HDAC4: variants seen among roughly 807,000 people sequenced by gnomAD.
HDAC4 encodes histone deacetylase 4, also known as histone deacetylase A.
In HDAC4, 16 loss-of-function variants were observed where a neutral mutation model predicts 135.1. The observed-to-expected ratio is 0.12, with a 90% CI of 0.08 to 0.18. HDAC4 has a LOEUF of 0.18. Among genes scored for constraint, HDAC4 ranks in the 10% least tolerant of loss-of-function variants. The pLI is 1.00. For missense variants in HDAC4, 1,143 were observed against 1,511.8 expected (o/e 0.76, Z 4.05); for synonymous variants, 685 against 653.4 (o/e 1.05, Z -0.74).
chr2:239,270,334 T>C (rs971091353), intron 2 of HDAC4, among the ~76,000 whole-genome samples: 2 of 152,102 alleles, frequency 1.3e-5, no homozygotes, highest in African/African-American at 2.4e-5. Context: ...GTGGCCTCAA[T>C]GGGATGCTCA....
At chr2:239,057,486 A>C (rs1057058143) in intron 24 of HDAC4, among the ~76,000 whole-genome samples, 2 of 152,238 alleles carry the variant, frequency 1.3e-5, no homozygotes, top group African/African-American at 4.8e-5. Context: ...AGAACATCAA[A>C]AACAAAAAGA....
At chr2:239,290,581 GCA>G (rs59261643) in intron 2 of HDAC4, among the ~76,000 whole-genome samples, 44,913 of 150,508 alleles carry the variant, frequency 0.3, 7,076 homozygotes, top group African/African-American at 0.41. Context: ...ATGGGAGTAG[GCA>G]CACACACACA....
intron 9 of HDAC4, among the ~76,000 whole-genome samples, chr2:239,137,701 C>T (rs182212226): frequency 1.9e-3 from 285 of 152,296 alleles, no homozygotes; most frequent in Non-Finnish European, 2.9e-3. Context: ...CACGTGAGAA[C>T]GGAGAGCCAG....
chr2:239,205,305 A>G (rs1272052242), intron 3 of HDAC4, among the ~76,000 whole-genome samples: 1 of 152,238 alleles, frequency 6.6e-6, no homozygotes, highest in Non-Finnish European at 1.5e-5. Context: ...AATCAAGACA[A>G]CTTCAAAGCG....
intron 19 of HDAC4, among the ~76,000 whole-genome samples, chr2:239,087,083 G>A (rs890952839): frequency 1.3e-5 from 2 of 152,138 alleles, no homozygotes; most frequent in Non-Finnish European, 2.9e-5. Context: ...ATGGACCGTC[G>A]GCAGTCTCTG....
chr2:239,271,738 G>A (rs1264655330), intron 2 of HDAC4, among the ~76,000 whole-genome samples: 1 of 152,192 alleles, frequency 6.6e-6, no homozygotes, highest in African/African-American at 2.4e-5. Context: ...CTTCCAAGAC[G>A]TGGCCTCTCT....
At chr2:239,296,289 G>A (rs7594553) in intron 2 of HDAC4, among the ~76,000 whole-genome samples, 29,043 of 152,224 alleles carry the variant, frequency 0.19, 2,990 homozygotes, top group East Asian at 0.31. Flanking sequence ...TGCCCTGGGC[G>A]TGGACACCAG....
intron 9 of HDAC4, among the ~76,000 whole-genome samples, chr2:239,136,342 T>A (rs1243977875): frequency 1.3e-5 from 2 of 152,208 alleles, no homozygotes; most frequent in Non-Finnish European, 2.9e-5. Context: ...GGCCTCTAGT[T>A]CCATCTATGT....
chr2:239,397,136 A>G (rs1696614744), intron 1 of HDAC4, among the ~76,000 whole-genome samples: 1 of 152,262 alleles, frequency 6.6e-6, no homozygotes, highest in Non-Finnish European at 1.5e-5. Context: ...CCTCTTCTCT[A>G]AGAGGCTGTG....
At chr2:239,226,228 A>G (rs2047232890) in intron 3 of HDAC4, among the ~76,000 whole-genome samples, 1 of 152,212 alleles carries the variant, frequency 6.6e-6, no homozygotes, top group South Asian at 2.1e-4. Flanking sequence ...TCATTCCTGG[A>G]TAATACTTTT....
chr2:239,144,446 G>T (rs1367292163), intron 8 of HDAC4, 137 bp downstream of exon 8: 5 of 1,166,534 alleles, frequency 4.3e-6, no homozygotes, highest in Non-Finnish European at 6.4e-6. Flanking sequence ...CCAGCGCCAT[G>T]GGAACAGGAC....
At chr2:239,082,288 C>T (rs899889607) in intron 20 of HDAC4, 67 bp from the exon 21 acceptor site, 27 of 1,598,396 alleles carry the variant, frequency 1.7e-5, no homozygotes, top group Middle Eastern at 1.7e-4. Flanking sequence ...CCCTGAGGGC[C>T]GTCCCCAACC....
intron 11 of HDAC4, among the ~76,000 whole-genome samples, chr2:239,127,701 T>C (rs1416877022): frequency 2.0e-5 from 3 of 152,240 alleles, no homozygotes; most frequent in Non-Finnish European, 2.9e-5. Context: ...TGGGGGACTC[T>C]TTGGAACTCG....
At chr2:239,118,721 G>GACTGTTTCC (rs777216084) in intron 12 of HDAC4, among the ~76,000 whole-genome samples, 1 of 152,094 alleles carries the variant, frequency 6.6e-6, no homozygotes, top group Non-Finnish European at 1.5e-5. Flanking sequence ...AAATACATGC[G>GACTGTTTCC]ACTGTTTCCG....
intron 1 of HDAC4, among the ~76,000 whole-genome samples, chr2:239,392,744 G>A (rs1189738689): frequency 6.6e-6 from 1 of 152,166 alleles, no homozygotes; most frequent in Admixed American, 6.5e-5. Context: ...TTAGCCCCAG[G>A]CCACAGGGAG....
Position 239,068,396 on chromosome 2 carries a change from T to G in HDAC4, c.2869+93A>C, listed in dbSNP as rs987618991. Reference sequence around the variant, plus strand: ...ATTAGTAAAAAGGTGCCCTTCCTTATCTCGTTATTAAAAAGGGGACCTGAC... The same window carrying G: ...ATTAGTAAAAAGGTGCCCTTCCTTAGCTCGTTATTAAAAAGGGGACCTGAC... On this transcript the variant is annotated intron_variant, in intron 23 of 26. Transcript: ENST00000543185. This position sits in a 1 kb window ranked among gnomAD's most constrained non-coding sequence, Gnocchi z 4.4. 2 of 927,808 alleles carry G rather than the reference T, an allele frequency of 2.2e-6. No homozygotes were observed. The highest frequency in any genetic ancestry group is 3.6e-6 in the Non-Finnish European group (2 of 562,632). The allele number at this position is 927,808 out of a possible 1,614,324, so 57.5% of individuals were successfully genotyped here.
At chr2:239,253,764 C>T (rs1165693131) in intron 2 of HDAC4, among the ~76,000 whole-genome samples, 1 of 152,206 alleles carries the variant, frequency 6.6e-6, no homozygotes, top group East Asian at 1.9e-4. Flanking sequence ...GCAAACGGCC[C>T]TCTGAGCAGG....
intron 19 of HDAC4, chr2:239,085,873 G>A (rs1423648723): frequency 6.7e-6 from 1 of 148,542 alleles, no homozygotes; most frequent in Non-Finnish European, 1.5e-5. Flanking sequence ...TCTAACATGC[G>A]GATCTGACTA....
At chr2:239,178,119 G>A (rs980444292) in intron 4 of HDAC4, among the ~76,000 whole-genome samples, 3 of 152,176 alleles carry the variant, frequency 2.0e-5, no homozygotes, top group South Asian at 4.1e-4. Context: ...GGGCCAGCCC[G>A]GGGGAAGTGC....
Sources: allele counts gnomAD v4.1 joint callset (sites outside exome capture counted in the v4.1 genomes callset), GRCh38; gene constraint gnomAD v4.1.1; non-coding constraint Gnocchi (gnomAD v3.1); transcripts MANE v1.5; gene names NCBI Gene and HGNC (gene_info 2026-07-23, HGNC 2026-07-21).